TOX3: variants seen among roughly 807,000 people sequenced by gnomAD.
TOX3 encodes the protein TOX high mobility group box family member 3, also known as CAG trinucleotide repeat-containing gene F9 protein.
In TOX3, 22 loss-of-function variants were observed where a neutral mutation model predicts 64.3. The ratio of observed to expected loss-of-function variants is 0.34; its 90% CI spans 0.24 to 0.49. TOX3 has a LOEUF of 0.49. Ranked by LOEUF, TOX3 falls within the 20% of genes least tolerant of loss-of-function variation. The pLI is 0.99. For synonymous variants in TOX3, 291 were observed against 273.6 expected, an observed-to-expected ratio of 1.06 and a Z score of -0.63; for missense variants, 661 against 714.4, an observed-to-expected ratio of 0.93 and a Z score of 0.85.
chr16:52,450,190 C>G (rs1008711646), intron 4 of TOX3, 87 bp downstream of exon 4: 110 of 1,502,048 alleles, frequency 7.3e-5, no homozygotes, highest in Non-Finnish European at 9.8e-5. Context: ...TGAAGACAAA[C>G]AAGATAACAC....
intron 1 of TOX3, among the ~76,000 whole-genome samples, chr16:52,510,663 G>A (rs1390121910): frequency 6.6e-6 from 1 of 150,594 alleles, no homozygotes; most frequent in Admixed American, 6.6e-5. Context: ...CGCTGAGGCA[G>A]GAGAACCGCT....
intron 4 of TOX3, 67 bp from the exon 5 acceptor site, chr16:52,446,288 A>G: frequency 6.7e-7 from 1 of 1,494,798 alleles, no homozygotes; most frequent in Non-Finnish European, 9.1e-7. Context: ...GACTTAACTC[A>G]GATCCATAAT....
chr16:52,440,553 A>G (rs756202939), intron 6 of TOX3, among the ~76,000 whole-genome samples: 2 of 152,274 alleles, frequency 1.3e-5, no homozygotes, highest in Non-Finnish European at 2.9e-5. Context: ...TTTAAGAGCA[A>G]CAATTCTTCT....
At chr16:52,482,190 G>A (rs559743001) in intron 1 of TOX3, among the ~76,000 whole-genome samples, 8 of 152,186 alleles carry the variant, frequency 5.3e-5, no homozygotes, top group Admixed American at 2.0e-4. Context: ...TCAATCGGGC[G>A]TTCAGCTACA....
At chr16:52,495,689 C>A (rs1008076878) in intron 1 of TOX3, among the ~76,000 whole-genome samples, 8 of 152,328 alleles carry the variant, frequency 5.3e-5, no homozygotes, top group Non-Finnish European at 1.0e-4. Context: ...TGTTAACACA[C>A]AACTCATGCC....
At chr16:52,485,654 A>G (rs1027494999) in intron 1 of TOX3, among the ~76,000 whole-genome samples, 15 of 152,260 alleles carry the variant, frequency 9.9e-5, no homozygotes, top group African/African-American at 3.4e-4. Flanking sequence ...AAAATAAAAT[A>G]AAATTAACAA....
intron 6 of TOX3, among the ~76,000 whole-genome samples, chr16:52,442,161 C>A (rs1353720424): frequency 1.3e-5 from 2 of 152,122 alleles, no homozygotes; most frequent in African/African-American, 4.8e-5. Flanking sequence ...TCCTTGCCTG[C>A]CTTCTTGTTC....
intron 1 of TOX3, among the ~76,000 whole-genome samples, chr16:52,480,469 G>A (rs796739387): frequency 4.6e-5 from 7 of 152,146 alleles, no homozygotes; most frequent in African/African-American, 1.7e-4. Flanking sequence ...TATTTACACT[G>A]GACACCCCGA....
intron 1 of TOX3, among the ~76,000 whole-genome samples, chr16:52,513,835 A>G (rs964135500): frequency 7.9e-5 from 12 of 152,334 alleles, no homozygotes; most frequent in Admixed American, 6.5e-4. Context: ...TGCATTTTAT[A>G]TATGTTATTC....
intron 1 of TOX3, among the ~76,000 whole-genome samples, chr16:52,538,668 A>G (rs866413855): frequency 1.5e-4 from 23 of 152,342 alleles, no homozygotes; most frequent in Middle Eastern, 6.8e-3. Context: ...ATGTGTCTTC[A>G]TATTAGCCCA....
chr16:52,526,279 A>C (rs1401138203), intron 1 of TOX3, among the ~76,000 whole-genome samples: 5 of 152,214 alleles, frequency 3.3e-5, no homozygotes, highest in Non-Finnish European at 7.3e-5. Flanking sequence ...AGAATAGCCA[A>C]GGCAGGAGAT....
Position 52,439,257 on chromosome 16 carries a change from T to C in TOX3, c.1699A>G (p.Thr567Ala). Residue 567 changes from threonine to alanine, a missense_variant, in exon 7 of 7, where the codon ACT becomes GCT. By Grantham distance (58) the Thr-to-Ala change is moderately conservative (BLOSUM62 0). Coordinates refer to ENST00000219746, the MANE Select transcript of TOX3 (RefSeq NM_001080430.4). ...ATACTGACCTGCGATAATACTTGAGTCTGTGTCTGAGACTGTATTTGCGAC... is the reference window on the plus strand; with the variant it reads ...ATACTGACCTGCGATAATACTTGAGCCTGTGTCTGAGACTGTATTTGCGAC... ...HQSQIQSQTQ[T>A]QVLSQVSIF 1 of 1,613,776 alleles carries C rather than the reference T, an allele frequency of 6.2e-7. No homozygotes were observed. The highest frequency in any genetic ancestry group is 8.5e-7 in the Non-Finnish European group (1 of 1,179,850).
chr16:52,506,552 G>A (rs937664047), intron 1 of TOX3, among the ~76,000 whole-genome samples: 2 of 152,048 alleles, frequency 1.3e-5, no homozygotes, highest in Non-Finnish European at 2.9e-5. Context: ...AAGAAGGGGG[G>A]TTTCTAGACA....
chr16:52,515,074 C>T (rs1273130813), intron 1 of TOX3, among the ~76,000 whole-genome samples: 1 of 138,068 alleles, frequency 7.2e-6, no homozygotes, highest in Admixed American at 7.4e-5. Context: ...GAAAACAGAG[C>T]TCGAGTCTGT....
intron 1 of TOX3, among the ~76,000 whole-genome samples, chr16:52,505,850 C>A (rs1962147483): frequency 6.6e-6 from 1 of 152,024 alleles, no homozygotes; most frequent in Non-Finnish European, 1.5e-5. Flanking sequence ...GTGGCACATG[C>A]CTGTAGTCCC....
intron 1 of TOX3, among the ~76,000 whole-genome samples, chr16:52,472,546 C>T (rs1244664545): frequency 6.6e-6 from 1 of 152,110 alleles, no homozygotes; most frequent in East Asian, 1.9e-4. Flanking sequence ...GTCACCTTAA[C>T]TTGGTCTATT....
intron 1 of TOX3, among the ~76,000 whole-genome samples, chr16:52,488,434 C>T (rs1961587965): frequency 6.6e-6 from 1 of 152,154 alleles, no homozygotes; most frequent in African/African-American, 2.4e-5. Context: ...CCCCCATGCC[C>T]ACTACAGTGG....
intron 1 of TOX3, among the ~76,000 whole-genome samples, chr16:52,520,874 G>C (rs1297972280): frequency 2.0e-5 from 3 of 152,080 alleles, no homozygotes; most frequent in African/African-American, 7.2e-5. Context: ...AGTATTGTGA[G>C]CCTTTATTTT....
chr16:52,474,725 G>A (rs1474194030), intron 1 of TOX3, among the ~76,000 whole-genome samples: 1 of 151,940 alleles, frequency 6.6e-6, no homozygotes, highest in Non-Finnish European at 1.5e-5. Context: ...CGGAGGGAAG[G>A]AAGAAAAGAA....
Sources: allele counts gnomAD v4.1 joint callset (sites outside exome capture counted in the v4.1 genomes callset), GRCh38; gene constraint gnomAD v4.1.1; transcripts MANE v1.5; gene names NCBI Gene and HGNC (gene_info 2026-07-23, HGNC 2026-07-21).